Variants in PRSS23 observed in about 807,000 individuals in gnomAD.
PRSS23 encodes serine protease 23, also known as protease, serine 23.
PRSS23 carries 25 observed loss-of-function variants against 34.7 expected under a neutral mutation model. That is an observed-to-expected ratio of 0.72 (90% CI 0.53 to 1.01). The LOEUF (loss-of-function observed/expected upper bound fraction) is 1.01, where lower values mean the gene tolerates loss of function less well. Ranked by LOEUF, PRSS23 falls within the 50% of genes least tolerant of loss-of-function variation. PRSS23 has a pLI of 0.00. For synonymous variants in PRSS23, 176 were observed against 186.6 expected, an observed-to-expected ratio of 0.94 and a Z score of 0.46; for missense variants, 445 against 475.6, an observed-to-expected ratio of 0.94 and a Z score of 0.60.
In PRSS23 at chr11:86,800,611, C is replaced by G; in HGVS notation, c.-54C>G. The G allele has an allele frequency of 1.0e-6, 1 of 985,102 alleles. No homozygotes were observed. The highest frequency in any genetic ancestry group is 4.7e-5 in the South Asian group (1 of 21,290). 61.0% of individuals were successfully genotyped at this position (985,102 alleles called of 1,614,324 possible). On this transcript the variant is annotated 5_prime_UTR_variant, in exon 1 of 2. Transcript: ENST00000280258. ...CTCCCGGCGCCCACACCTGTCTGAGCGGCGCAGCGAGCCGCGGCCCGGGCG... is the reference window on the plus strand; with the variant it reads ...CTCCCGGCGCCCACACCTGTCTGAGGGGCGCAGCGAGCCGCGGCCCGGGCG...
At chr11:86,803,481 G>A (rs1012028400) in intron 1 of PRSS23, among the ~76,000 whole-genome samples, 1 of 152,170 alleles carries the variant, frequency 6.6e-6, no homozygotes, top group Admixed American at 6.5e-5. Context: ...ATAATTATTT[G>A]TCTTCTAAGG....
At chr11:86,951,159 T>C (rs574398264) in intron 2 of PRSS23, 1 of 1,614,110 alleles carries the variant, frequency 6.2e-7, no homozygotes, top group Non-Finnish European at 8.5e-7. Flanking sequence ...ACAGTCTCAC[T>C]GCCTTTTCCA....
At chr11:86,870,407 A>G (rs987391709) in intron 2 of PRSS23, among the ~76,000 whole-genome samples, 14 of 152,022 alleles carry the variant, frequency 9.2e-5, no homozygotes, top group African/African-American at 3.1e-4. Context: ...CTCGTAACCT[A>G]TTTCCTTTTA....
intron 2 of PRSS23, among the ~76,000 whole-genome samples, chr11:86,877,693 C>T (rs2134955502): frequency 6.6e-6 from 1 of 152,230 alleles, no homozygotes; most frequent in Non-Finnish European, 1.5e-5. Context: ...GTCTTTATGT[C>T]TATCCTTATG....
chr11:86,800,439 C>T (rs1948017657), upstream of PRSS23: 1 of 982,772 alleles, frequency 1.0e-6, no homozygotes, highest in Non-Finnish European at 1.2e-6. Flanking sequence ...GTGGGGCGGG[C>T]GGCGTCCGCG....
downstream of PRSS23, among the ~76,000 whole-genome samples, chr11:86,816,165 AGC>A (rs1443160218): frequency 6.6e-6 from 1 of 152,172 alleles, no homozygotes; most frequent in Non-Finnish European, 1.5e-5. Context: ...TCATTGCTCA[AGC>A]TCTCCTACCC....
intron 1 of PRSS23, among the ~76,000 whole-genome samples, chr11:86,806,854 A>G (rs1335325449): frequency 6.6e-6 from 1 of 152,250 alleles, no homozygotes; most frequent in Non-Finnish European, 1.5e-5. Flanking sequence ...GTAACAGTTC[A>G]TAGTGTTATA....
intron 1 of PRSS23, among the ~76,000 whole-genome samples, chr11:86,822,734 G>T (rs906527695): frequency 6.6e-6 from 1 of 152,166 alleles, no homozygotes; most frequent in Non-Finnish European, 1.5e-5. Flanking sequence ...CCAGGAATGG[G>T]ATGGGGCCAC....
chr11:86,854,039 C>T (rs1211951580), intron 2 of PRSS23, among the ~76,000 whole-genome samples: 7 of 152,224 alleles, frequency 4.6e-5, no homozygotes, highest in Non-Finnish European at 7.4e-5. Flanking sequence ...CTCACTCTGT[C>T]GCCCAGGCTG....
At position 86,810,790 on chromosome 11, in the gene PRSS23, A is replaced by G. The variant is rs1948169977; in HGVS notation, c.*1995A>G. 1 of 167,080 alleles carries G rather than the reference A, an allele frequency of 6.0e-6. No individual in the cohort carries two copies. The highest frequency in any genetic ancestry group is 1.5e-5 in the Non-Finnish European group (1 of 68,126). 10.3% of individuals were successfully genotyped at this position (167,080 alleles called of 1,614,324 possible). ...ATTTACTAAAGAATGATACACCCAT[A>G]TGCTATATACAGCTTAACTCACAGA... On this transcript the variant is annotated 3_prime_UTR_variant, in exon 2 of 2. Transcript: ENST00000280258.
At chr11:86,916,047 T>C (rs971196854) in intron 2 of PRSS23, among the ~76,000 whole-genome samples, 2 of 152,152 alleles carry the variant, frequency 1.3e-5, no homozygotes, top group African/African-American at 4.8e-5. Context: ...AGAGCAGGAC[T>C]CTGTCTCAAA....
At chr11:86,889,341 C>T (rs1948826004) in intron 2 of PRSS23, among the ~76,000 whole-genome samples, 2 of 152,150 alleles carry the variant, frequency 1.3e-5, no homozygotes, top group Admixed American at 6.5e-5. Flanking sequence ...TAACAAAATA[C>T]CTGAGACTGG....
At chr11:86,831,816 A>G (rs1019977667) in intron 2 of PRSS23, among the ~76,000 whole-genome samples, 7 of 151,804 alleles carry the variant, frequency 4.6e-5, no homozygotes, top group Non-Finnish European at 7.4e-5. Flanking sequence ...CGCAGCGGGT[A>G]TACACCCTGT....
chr11:86,877,200 T>A (rs952546412), intron 2 of PRSS23, among the ~76,000 whole-genome samples: 4 of 151,210 alleles, frequency 2.6e-5, no homozygotes, highest in Non-Finnish European at 5.9e-5. Flanking sequence ...TCTCCTCCAC[T>A]GCACTGTGAG....
intron 2 of PRSS23, among the ~76,000 whole-genome samples, chr11:86,880,095 G>A (rs1948762815): frequency 6.6e-6 from 1 of 152,080 alleles, no homozygotes; most frequent in South Asian, 2.1e-4. Flanking sequence ...ATTTTGTTCT[G>A]TACTAAGAAA....
upstream of PRSS23, among the ~76,000 whole-genome samples, chr11:86,796,203 C>A (rs1947979280): frequency 6.6e-6 from 1 of 152,138 alleles, no homozygotes; most frequent in Admixed American, 6.5e-5. Context: ...TGGAATCCAG[C>A]AAAAGAATGG....
At chr11:86,933,714 C>G (rs1473768344) in intron 2 of PRSS23, 1 of 152,226 alleles carries the variant, frequency 6.6e-6, no homozygotes, top group Non-Finnish European at 1.5e-5. Flanking sequence ...GTGGGTCACA[C>G]AGCAGATGAC....
At chr11:86,811,944 G>C (rs1275417959), downstream of PRSS23, among the ~76,000 whole-genome samples, 1 of 152,078 alleles carries the variant, frequency 6.6e-6, no homozygotes. Flanking sequence ...TTCTTACTTT[G>C]CCTGGGTTCT....
chr11:86,930,136 T>C (rs1949114050), intron 2 of PRSS23, among the ~76,000 whole-genome samples: 1 of 151,846 alleles, frequency 6.6e-6, no homozygotes, highest in Admixed American at 6.6e-5. Context: ...AAATCTTGTA[T>C]AGGCATTAAA....
Sources: gnomAD v4.1 joint callset for allele counts (sites outside exome capture counted in the v4.1 genomes callset) on GRCh38, gnomAD v4.1.1 for gene constraint, MANE v1.5 for transcripts, NCBI Gene and HGNC (gene_info 2026-07-23, HGNC 2026-07-21) for gene names.